The following EPS8L3 variants were observed in gnomAD, a reference collection of about 807,000 sequenced individuals.
EPS8L3 encodes epidermal growth factor receptor kinase substrate 8-like protein 3.
In EPS8L3, 80 loss-of-function variants were observed where a neutral mutation model predicts 88.5. The observed-to-expected ratio is 0.90, with a 90% CI of 0.75 to 1.09. The LOEUF is 1.09. Among genes scored for constraint, EPS8L3 ranks in the 50% least tolerant of loss-of-function variants. The pLI, the probability that EPS8L3 is intolerant of heterozygous loss-of-function variation, is 0.00. For synonymous variants in EPS8L3, 286 were observed against 291.0 expected (o/e 0.98, Z 0.18); for missense variants, 721 against 735.2 (o/e 0.98, Z 0.22).
At chr1:109,752,499 A>G (rs550006388) in intron 14 of EPS8L3, among the ~76,000 whole-genome samples, 187 bp downstream of exon 14, 2 of 152,238 alleles carry the variant, frequency 1.3e-5, no homozygotes, top group South Asian at 4.1e-4. Context: ...AGAAGAAGCA[A>G]TGGGAGCCTA....
chr1:109,761,602 C>T (rs369952532), intron 2 of EPS8L3, 43 bp from the exon 3 acceptor site: 54 of 1,610,508 alleles, frequency 3.4e-5, no homozygotes, highest in Middle Eastern at 3.3e-4. Context: ...GGCAGAAGAA[C>T]GAGGTGAGAC....
rs1650995315 is a variant in EPS8L3 at position 109,761,777 on chromosome 1, G to T, written c.-24-4C>A. 1 of 1,613,810 alleles carries T rather than the reference G, an allele frequency of 6.2e-7. No individual in the cohort carries two copies. The highest frequency in any genetic ancestry group is 1.3e-5 in the African/African-American group (1 of 74,890). ...TGACGCTGCTGAGGACGGCTCCCTA[G>T]AACCCAAAGTGAACCAGAGGCAGCC... On this transcript the variant is annotated splice_region_variant and splice_polypyrimidine_tract_variant and intron_variant, in intron 1 of 18. Coordinates refer to ENST00000361965, the MANE Select transcript of EPS8L3 (RefSeq NM_133181.4).
In EPS8L3 at chr1:109,757,185, T is replaced by C. The variant is rs1570690848; in HGVS notation, c.970-20A>G. 6.3e-7 allele frequency: 1 copy of C among 1,587,608 alleles called. No homozygotes were observed. Among genetic ancestry groups the C allele is most frequent in the Non-Finnish European group, 8.6e-7 (1 of 1,165,558 alleles). On this transcript the variant is annotated intron_variant, in intron 11 of 18. Coordinates refer to ENST00000361965, the MANE Select transcript of EPS8L3 (RefSeq NM_133181.4). The stretch of plus-strand genomic sequence containing the variant: ...CAGGATCTAGGGGAGAGATGGAAGG[T>C]GTCAGGAAGCCTAGGCTCCCACAGG...
chr1:109,751,928 C>A, intron 15 of EPS8L3, 67 bp downstream of exon 15: 1 of 1,562,364 alleles, frequency 6.4e-7, no homozygotes, highest in Non-Finnish European at 8.7e-7. Context: ...CTGGACCATC[C>A]ACCCTTGGCT....
chr1:109,763,229 C>G (rs1651183494), intron 1 of EPS8L3, among the ~76,000 whole-genome samples: 1 of 152,158 alleles, frequency 6.6e-6, no homozygotes, highest in Non-Finnish European at 1.5e-5. Flanking sequence ...TTGGGAGGAC[C>G]CCTTTTCTCT....
intron 1 of EPS8L3, among the ~76,000 whole-genome samples, chr1:109,762,473 C>T (rs948985318): frequency 3.3e-5 from 5 of 152,156 alleles, no homozygotes; most frequent in African/African-American, 1.2e-4. Context: ...CCATCCAACC[C>T]CACCCTGCCC....
Position 109,759,895 on chromosome 1 carries a change from C to A in EPS8L3, c.97-59G>T. On this transcript the variant is annotated intron_variant, in intron 3 of 18. Coordinates refer to ENST00000361965, the MANE Select transcript of EPS8L3 (RefSeq NM_133181.4). This position sits in a 1 kb window ranked among gnomAD's most constrained non-coding sequence, Gnocchi z 4.2. ...AAAGCTCAGAGAGGTGGACCACAGG[C>A]GTGCTGGGTAGAGAAAAGCAGAAGA... The A allele has an allele frequency of 1.9e-6, 3 of 1,569,950 alleles. No homozygotes were observed. Among genetic ancestry groups the A allele is most frequent in the Non-Finnish European group, 2.6e-6 (3 of 1,152,146 alleles).
At chr1:109,754,005 G>T (rs549112762) in intron 12 of EPS8L3, among the ~76,000 whole-genome samples, 1 of 152,182 alleles carries the variant, frequency 6.6e-6, no homozygotes, top group Non-Finnish European at 1.5e-5. Flanking sequence ...ATAGGAGGGA[G>T]CTATTAAGTG....
Position 109,750,348 on chromosome 1 carries a change from T to G in EPS8L3, c.*43A>C, listed in dbSNP as rs766784623. On this transcript the variant is annotated 3_prime_UTR_variant, in exon 19 of 19. Coordinates refer to ENST00000361965, the MANE Select transcript of EPS8L3 (RefSeq NM_133181.4). ...CTAATGGGTATCAGATCTGCCATCT[T>G]GCATCAGCGGGGCCTGGTTCTTGGA... 1 of 1,612,336 alleles carries G rather than the reference T, an allele frequency of 6.2e-7. No individual in the cohort carries two copies. The highest frequency in any genetic ancestry group is 8.5e-7 in the Non-Finnish European group (1 of 1,178,988).
Position 109,757,925 on chromosome 1 carries a change from C to T in EPS8L3, c.832+19G>A, listed in dbSNP as rs1557995712. 1.2e-6 allele frequency: 2 copies of T among 1,613,760 alleles called. No homozygotes were observed. The highest frequency in any genetic ancestry group is 3.3e-5 in the Admixed American group (2 of 60,032). On this transcript the variant is annotated intron_variant, in intron 9 of 18. Coordinates refer to ENST00000361965, the MANE Select transcript of EPS8L3 (RefSeq NM_133181.4). ...CCCTGAGACACCCCTACTCCTCTTC[C>T]CTGGCCCTCAGTACTCACCTCCCTG...
chr1:109,758,914 A>G (rs1650591402), intron 6 of EPS8L3, 148 bp downstream of exon 6: 3 of 922,800 alleles, frequency 3.3e-6, no homozygotes, highest in African/African-American at 1.7e-5. Context: ...CCCCTTGCCT[A>G]TGCCCACCTC....
chr1:109,755,613 T>C (rs1186852213), intron 12 of EPS8L3, among the ~76,000 whole-genome samples: 1 of 152,034 alleles, frequency 6.6e-6, no homozygotes, highest in Non-Finnish European at 1.5e-5. Flanking sequence ...AAGACCAGCC[T>C]GAGCAACATG....
intron 12 of EPS8L3, among the ~76,000 whole-genome samples, chr1:109,756,387 C>A (rs1396287588): frequency 6.6e-6 from 1 of 152,176 alleles, no homozygotes; most frequent in Non-Finnish European, 1.5e-5. Flanking sequence ...TACAGGCATG[C>A]ACCACTACAC....
Position 109,757,020 on chromosome 1 carries a change from C to T in EPS8L3, c.1115G>A (p.Ser372Asn). 1 of 1,614,232 alleles carries T rather than the reference C, an allele frequency of 6.2e-7. No homozygotes were observed. Among genetic ancestry groups the T allele is most frequent in the Non-Finnish European group, 8.5e-7 (1 of 1,180,028 alleles). ...TTCAGGCTTTGTCTTCACTCACCGG[C>T]TAGTGGTCCAGGCTGGGCCCAACCC... ...WMGLGPAWTT[S>N]RADWTGDEPL... Residue 372 changes from serine to asparagine, a missense_variant, in exon 12 of 19, where the codon AGC (serine) becomes AAC (asparagine). Coordinates refer to ENST00000361965, the MANE Select transcript of EPS8L3 (RefSeq NM_133181.4).
rs1292851694 is a variant in EPS8L3 at position 109,759,473 on chromosome 1, T to C, written c.256-86A>G. 6.4e-7 allele frequency: 1 copy of C among 1,568,830 alleles called. No homozygotes were observed. The highest frequency in any genetic ancestry group is 1.8e-5 in the Admixed American group (1 of 55,880). On this transcript the variant is annotated intron_variant, in intron 4 of 18. Coordinates refer to ENST00000361965, the MANE Select transcript of EPS8L3 (RefSeq NM_133181.4). This position sits in a 1 kb window ranked among gnomAD's most constrained non-coding sequence, Gnocchi z 4.2. ...TCCTGACCAGCTCATCCTAGCCCTT[T>C]GGTGGCCTAGGGCTGAGGTGTCATC...
At chr1:109,750,574 C>A in intron 18 of EPS8L3, 86 bp downstream of exon 18, 1 of 1,601,156 alleles carries the variant, frequency 6.2e-7, no homozygotes, top group Non-Finnish European at 8.5e-7. Context: ...CAGGGCTGGG[C>A]CTGCAGGCTT....
chr1:109,751,803 A>G, intron 15 of EPS8L3, 21 bp from the exon 16 acceptor site: 3 of 1,612,434 alleles, frequency 1.9e-6, no homozygotes, highest in Non-Finnish European at 2.5e-6. Flanking sequence ...TCACCACCTC[A>G]GTCCCCTGAG....
Position 109,759,038 on chromosome 1 carries a change from G to C in EPS8L3, c.461+24C>G. On this transcript the variant is annotated intron_variant, in intron 6 of 18. Coordinates refer to ENST00000361965, the MANE Select transcript of EPS8L3 (RefSeq NM_133181.4). This position sits in a 1 kb window ranked among gnomAD's most constrained non-coding sequence, Gnocchi z 4.2. ...GAGGCTGAGCTGGGAGGCCCCATAG[G>C]TGGGCTGGGCAGAGGCTGCCTACCT... 6.3e-7 allele frequency: 1 copy of C among 1,583,878 alleles called. No homozygotes were observed. The highest frequency in any genetic ancestry group is 8.6e-7 in the Non-Finnish European group (1 of 1,165,300).
rs140685730 is a variant in EPS8L3, at chr1:109,759,327, A to G, written c.316T>C (p.Cys106Arg). Residue 106 changes from cysteine (C) to arginine (R), a missense_variant, in exon 5 of 19, where the codon TGT (cysteine) becomes CGT (arginine). Coordinates refer to ENST00000361965, the MANE Select transcript of EPS8L3 (RefSeq NM_133181.4). This position sits in a 1 kb window ranked among gnomAD's most constrained non-coding sequence, Gnocchi z 4.2. ...IQAMNVALNT[C>R]SYNSILSITV... ...ATGGACAGGATGGAGTTGTAGGAAC[A>G]TGTGTTGAGCGCCACATTCATGGCC... 4.5e-5 allele frequency: 73 copies of G among 1,614,116 alleles called. 1 individual carries two copies. In the East Asian group the frequency reaches 1.6e-3, roughly 35 times the overall value.
Sources: allele counts gnomAD v4.1 joint callset (sites outside exome capture counted in the v4.1 genomes callset), GRCh38; gene constraint gnomAD v4.1.1; non-coding constraint Gnocchi (gnomAD v3.1); transcripts MANE v1.5; gene names NCBI Gene and HGNC (gene_info 2026-07-23, HGNC 2026-07-21).